The following PDE3B variants were observed in gnomAD, a reference collection of about 807,000 sequenced individuals.
PDE3B encodes phosphodiesterase 3B.
In PDE3B, 66 loss-of-function variants were observed where a neutral mutation model predicts 116.8. The ratio of observed to expected loss-of-function variants is 0.56; its 90% confidence interval spans 0.46 to 0.69. The LOEUF (loss-of-function observed/expected upper bound fraction) is 0.69. PDE3B is among the 30% of genes least tolerant of loss of function. The pLI, the probability that PDE3B is intolerant of heterozygous loss-of-function variation, is 0.00. For missense variants in PDE3B, 1,384 were observed against 1,368.1 expected (o/e 1.01, Z -0.18); for synonymous variants, 595 against 533.6 (o/e 1.12, Z -1.59).
At chr11:14,882,437 T>A in the PDE3B span, among the ~76,000 whole-genome samples, 7 of 152,186 alleles carry the variant, frequency 4.6e-5, no homozygotes, top group Admixed American at 3.3e-4. Context: ...GGTGCCAAGA[T>A]GAAACCAGCC....
chr11:14,885,859 A>C, the PDE3B span: 1 of 1,613,554 alleles, frequency 6.2e-7, no homozygotes, highest in Non-Finnish European at 8.5e-7. Context: ...GCATTCCTTT[A>C]CTACATCATA....
intron 1 of PDE3B, among the ~76,000 whole-genome samples, chr11:14,709,743 C>T (rs1354909943): frequency 6.6e-6 from 1 of 152,126 alleles, no homozygotes; most frequent in Admixed American, 6.6e-5. Context: ...TTCCCCTTTA[C>T]TCTTATACGT....
Position 14,786,583 on chromosome 11 carries a change from T to A in PDE3B, c.1176T>A (p.Gly392=), listed in dbSNP as rs758259997. ...SISSLMGAFS[G]SCRPKINPLT... is the part of the protein sequence containing the mutation. ...GTAGCTTAATGGGTGCTTTCTCAGGTTCCTGTAGGCCAAAGATTAATCCTC... is the reference window on the plus strand; with the variant it reads ...GTAGCTTAATGGGTGCTTTCTCAGGATCCTGTAGGCCAAAGATTAATCCTC... Residue 392 remains glycine, a synonymous_variant, in exon 3 of 16, where the codon GGT becomes GGA. Coordinates refer to ENST00000282096, the MANE Select transcript of PDE3B (RefSeq NM_000922.4). 8.1e-6 allele frequency: 13 copies of A among 1,613,084 alleles called. No homozygotes were observed. The Admixed American group carries it at 2.2e-4, about 27-fold the overall frequency.
chr11:14,645,970 C>T (rs1279071880), intron 1 of PDE3B, among the ~76,000 whole-genome samples: 4 of 152,154 alleles, frequency 2.6e-5, no homozygotes, highest in East Asian at 1.9e-4. Flanking sequence ...GTGCCATTAA[C>T]CTCTAGAGAT....
chr11:14,843,002 T>G (rs2133973178), intron 11 of PDE3B, among the ~76,000 whole-genome samples: 1 of 152,354 alleles, frequency 6.6e-6, no homozygotes, highest in East Asian at 1.9e-4. Flanking sequence ...AAGGAAACTT[T>G]GTACCTAATA....
rs150140865 is a variant in PDE3B at position 14,644,509 on chromosome 11, C to A, written c.434C>A (p.Pro145Gln). The A allele has an allele frequency of 4.6e-5, 74 of 1,609,884 alleles. No individual in the cohort carries two copies. Among genetic ancestry groups the A allele is most frequent in the Non-Finnish European group, 6.2e-5 (73 of 1,178,322 alleles). Reference sequence around the variant, plus strand: ...ACCCGGACCAAGCGGGGACCCGGCCCGGGCCGGAGCTGCGGCTCCTGGTGG... The same window carrying A: ...ACCCGGACCAAGCGGGGACCCGGCCAGGGCCGGAGCTGCGGCTCCTGGTGG... ...FLTRTKRGPG[P>Q]GRSCGSWWLL... Residue 145 changes from proline (P) to glutamine (Q), a missense_variant, in exon 1 of 16, where the codon CCG (proline) becomes CAG (glutamine). Pro to Gln is a moderately conservative substitution (Grantham distance 76). Around this residue, in one of 2 missense-constraint regions of PDE3B, gnomAD observed 956 missense variants for 806.8 expected, o/e 1.18. Transcript: ENST00000282096.
At chr11:14,838,480 T>G (rs1185751110) in intron 11 of PDE3B, among the ~76,000 whole-genome samples, 1 of 152,206 alleles carries the variant, frequency 6.6e-6, no homozygotes, top group Admixed American at 6.5e-5. Context: ...AAATAAATGT[T>G]GCCTTGTATT....
At position 14,843,919 on chromosome 11, in the gene PDE3B, A is replaced by G; in HGVS notation, c.2413A>G (p.Asn805Asp). 6.2e-7 allele frequency: 1 copy of G among 1,614,122 alleles called. No homozygotes were observed. The highest frequency in any genetic ancestry group is 8.5e-7 in the Non-Finnish European group (1 of 1,179,946). Reference protein sequence around the residue: ...PDESYGCLSSNIPALELMALY... With the variant: ...PDESYGCLSSDIPALELMALY... ...TGAGAGTTATGGCTGCCTGTCTTCA[A>G]ACATTCCTGCATTAGAATTGATGGC... Residue 805 changes from asparagine to aspartate, a missense_variant, in exon 12 of 16, where the codon AAC becomes GAC. By Grantham distance (23) the Asn-to-Asp change is conservative (BLOSUM62 1). Transcript: ENST00000282096.
chr11:14,891,156 C>A, the PDE3B span: 1 of 985,522 alleles, frequency 1.0e-6, no homozygotes, highest in Non-Finnish European at 1.2e-6. Flanking sequence ...CACCCACACA[C>A]AAGCGGTGGT....
At chr11:14,785,065 A>G (rs1450480933) in intron 2 of PDE3B, among the ~76,000 whole-genome samples, 1 of 152,148 alleles carries the variant, frequency 6.6e-6, no homozygotes, top group African/African-American at 2.4e-5. Flanking sequence ...GATTAATTAA[A>G]TTCATAGTTG....
chr11:14,651,236 A>C (rs537200477), intron 1 of PDE3B, among the ~76,000 whole-genome samples: 71 of 152,164 alleles, frequency 4.7e-4, no homozygotes, highest in African/African-American at 1.7e-3. Flanking sequence ...TCATCTTCGC[A>C]TGGCATTCTC....
chr11:14,667,676 C>G (rs889716571), intron 1 of PDE3B, among the ~76,000 whole-genome samples: 2 of 138,576 alleles, frequency 1.4e-5, no homozygotes, highest in Non-Finnish European at 3.1e-5. Context: ...CATGACACAA[C>G]GGGGACTGTT....
intron 10 of PDE3B, among the ~76,000 whole-genome samples, chr11:14,834,524 T>A (rs997178129): frequency 1.3e-5 from 2 of 152,242 alleles, no homozygotes; most frequent in African/African-American, 4.8e-5. Context: ...CTGTGCTGGA[T>A]GCTTTCACAT....
chr11:14,702,833 G>C (rs1214980160), intron 1 of PDE3B, among the ~76,000 whole-genome samples: 2 of 151,732 alleles, frequency 1.3e-5, no homozygotes, highest in Non-Finnish European at 2.9e-5. Flanking sequence ...GTACCATGGA[G>C]GTTCAGGAAA....
chr11:14,701,686 T>C (rs549304063), intron 1 of PDE3B, among the ~76,000 whole-genome samples: 1 of 151,946 alleles, frequency 6.6e-6, no homozygotes, highest in East Asian at 1.9e-4. Context: ...TCTCCATTCT[T>C]TCTCCATTCT....
At chr11:14,731,418 C>T (rs1856456151) in intron 1 of PDE3B, among the ~76,000 whole-genome samples, 1 of 151,882 alleles carries the variant, frequency 6.6e-6, no homozygotes, top group African/African-American at 2.4e-5. Context: ...GCCACCACAC[C>T]CGGCTACTTT....
intron 1 of PDE3B, among the ~76,000 whole-genome samples, chr11:14,739,930 G>T (rs192579928): frequency 6.6e-6 from 1 of 152,278 alleles, no homozygotes; most frequent in East Asian, 1.9e-4. Flanking sequence ...TGTTGAACTA[G>T]CCTTGCATCC....
intron 5 of PDE3B, among the ~76,000 whole-genome samples, chr11:14,805,881 A>G (rs1194835240): frequency 6.6e-6 from 1 of 152,246 alleles, no homozygotes; most frequent in Non-Finnish European, 1.5e-5. Flanking sequence ...GCCAACAGAC[A>G]TAGGAAAAAA....
In PDE3B at chr11:14,869,704, G is replaced by A. The variant is rs782249118; in HGVS notation, c.*44G>A. 41 of 1,542,596 alleles carry A rather than the reference G, an allele frequency of 2.7e-5. No homozygotes were observed. The highest frequency in any genetic ancestry group is 5.1e-5 in the Admixed American group (3 of 59,202). On this transcript the variant is annotated 3_prime_UTR_variant, in exon 16 of 16. Transcript: ENST00000282096. ...AAAAGTCATATTGAAGAAGCCCAGA[G>A]GGTTGTGCCCAGGGGCAGAAATCAT...
Sources: gnomAD v4.1 joint callset for allele counts (sites outside exome capture counted in the v4.1 genomes callset) on GRCh38, gnomAD v4.1.1 for gene constraint, gnomAD v4.1.1 regional missense constraint, MANE v1.5 for transcripts, NCBI Gene and HGNC (gene_info 2026-07-23, HGNC 2026-07-21) for gene names.